LRRC4C: variants seen among roughly 807,000 people sequenced by gnomAD.
The protein encoded by LRRC4C is leucine-rich repeat-containing protein 4C.
In LRRC4C, 5 loss-of-function variants were observed where a neutral mutation model predicts 33.6. That is an observed-to-expected ratio of 0.15 (90% confidence interval 0.08 to 0.31). The LOEUF (loss-of-function observed/expected upper bound fraction) is 0.31. Ranked by LOEUF, LRRC4C falls within the 10% of genes least tolerant of loss-of-function variation. The pLI, the probability that LRRC4C is intolerant of heterozygous loss-of-function variation, is 1.00. For synonymous variants in LRRC4C, 329 were observed against 302.0 expected, an observed-to-expected ratio of 1.09 and a Z score of -0.93; for missense variants, 560 against 796.7, an observed-to-expected ratio of 0.70 and a Z score of 3.58.
At chr11:40,190,527 T>G (rs879692454) in intron 5 of LRRC4C, among the ~76,000 whole-genome samples, 18 of 152,224 alleles carry the variant, frequency 1.2e-4, no homozygotes, top group Admixed American at 5.2e-4. Context: ...ATTCTAGATA[T>G]GTTTTGATTG....
At chr11:40,631,872 ATAT>A (rs1393866341) in intron 3 of LRRC4C, among the ~76,000 whole-genome samples, 2 of 152,226 alleles carry the variant, frequency 1.3e-5, no homozygotes, top group South Asian at 2.1e-4. Flanking sequence ...TTATTGGCAG[ATAT>A]TATTATAATT....
At chr11:40,995,355 A>G (rs1385036448) in intron 1 of LRRC4C, among the ~76,000 whole-genome samples, 3 of 152,080 alleles carry the variant, frequency 2.0e-5, no homozygotes, top group Non-Finnish European at 4.4e-5. Flanking sequence ...GATATATAAC[A>G]ACTAATGATG....
At chr11:40,284,306 G>T (rs1943687229) in intron 4 of LRRC4C, among the ~76,000 whole-genome samples, 1 of 152,172 alleles carries the variant, frequency 6.6e-6, no homozygotes, top group Non-Finnish European at 1.5e-5. Flanking sequence ...GAGAGGGCAT[G>T]AATAGGCTGG....
chr11:40,399,811 C>T (rs1236905133), intron 3 of LRRC4C, among the ~76,000 whole-genome samples: 2 of 152,060 alleles, frequency 1.3e-5, no homozygotes, highest in Non-Finnish European at 2.9e-5. Context: ...ACCATTGCAA[C>T]CTTCCATGTC....
chr11:41,381,588 C>A (rs1953151954), intron 1 of LRRC4C, among the ~76,000 whole-genome samples: 1 of 148,556 alleles, frequency 6.7e-6, no homozygotes, highest in Non-Finnish European at 1.5e-5. Flanking sequence ...GATTGCGCCA[C>A]TGTACTCCAG....
intron 2 of LRRC4C, among the ~76,000 whole-genome samples, chr11:40,819,168 A>G (rs751819205): frequency 6.6e-6 from 1 of 152,178 alleles, no homozygotes; most frequent in Non-Finnish European, 1.5e-5. Flanking sequence ...ATGATTCACA[A>G]ATATGTGCAG....
chr11:40,354,260 T>A (rs1947552707), intron 3 of LRRC4C, among the ~76,000 whole-genome samples: 1 of 152,184 alleles, frequency 6.6e-6, no homozygotes, highest in South Asian at 2.1e-4. Flanking sequence ...GCGGGAGGGC[T>A]GACACAAACA....
chr11:41,371,963 G>A (rs1360096043), intron 1 of LRRC4C, among the ~76,000 whole-genome samples: 1 of 152,094 alleles, frequency 6.6e-6, no homozygotes, highest in African/African-American at 2.4e-5. Context: ...GTGAAACCCC[G>A]TCTCTACTAA....
chr11:40,384,089 T>A (rs1355281855), intron 3 of LRRC4C, among the ~76,000 whole-genome samples: 1 of 151,878 alleles, frequency 6.6e-6, no homozygotes, highest in East Asian at 1.9e-4. Flanking sequence ...TGTGGAGAAG[T>A]TTTTTAGTTA....
chr11:41,079,101 C>T (rs1013244687), intron 1 of LRRC4C, among the ~76,000 whole-genome samples: 8 of 152,166 alleles, frequency 5.3e-5, no homozygotes, highest in Non-Finnish European at 8.8e-5. Flanking sequence ...AACACCTTTA[C>T]GATTGTCTAA....
intron 2 of LRRC4C, among the ~76,000 whole-genome samples, chr11:40,905,916 A>G (rs1956394400): frequency 6.6e-6 from 1 of 152,232 alleles, no homozygotes; most frequent in Non-Finnish European, 1.5e-5. Flanking sequence ...TTTTGCAAGA[A>G]GTTCTACTGT....
rs553842338 is a variant in LRRC4C, at chr11:40,994,178, C to T, written c.-495-60455G>A. Among the ~76,000 whole-genome samples the T allele has an allele frequency of 1.1e-4, 17 of 151,986 alleles. No homozygotes were observed. The South Asian group carries it at 3.3e-3, about 30-fold the overall frequency. On this transcript the variant is annotated intron_variant, in intron 1 of 6. Transcript: ENST00000528697. ...TGCATTTCAGAATTATGAAATCTTA[C>T]CAATATCCAGGTGAGGTTCTTCTTT...
intron 2 of LRRC4C, among the ~76,000 whole-genome samples, chr11:40,816,452 A>G (rs1951709057): frequency 1.3e-5 from 2 of 152,294 alleles, no homozygotes; most frequent in East Asian, 1.9e-4. Context: ...CTCTGCCTGA[A>G]GTTTGTCTTT....
At chr11:40,986,114 T>C (rs1852974798) in intron 1 of LRRC4C, among the ~76,000 whole-genome samples, 6 of 152,208 alleles carry the variant, frequency 3.9e-5, no homozygotes. Flanking sequence ...AACATTTCTG[T>C]GAATTTGAAA....
At chr11:40,437,939 C>A (rs1951215421) in intron 3 of LRRC4C, among the ~76,000 whole-genome samples, 1 of 152,152 alleles carries the variant, frequency 6.6e-6, no homozygotes, top group Admixed American at 6.5e-5. Flanking sequence ...ATCTCTTGAC[C>A]TCGTGATCCA....
At chr11:40,149,935 A>C (rs1282807070) in intron 5 of LRRC4C, among the ~76,000 whole-genome samples, 6 of 152,168 alleles carry the variant, frequency 3.9e-5, no homozygotes, top group Non-Finnish European at 8.8e-5. Flanking sequence ...AATTACCACA[A>C]ACTTGATGAT....
intron 4 of LRRC4C, among the ~76,000 whole-genome samples, chr11:40,244,164 A>G (rs1426091243): frequency 6.6e-6 from 1 of 152,142 alleles, no homozygotes; most frequent in East Asian, 1.9e-4. Flanking sequence ...CTAGGATGAC[A>G]TTTAAGTGCT....
chr11:40,465,477 G>T (rs184809968), intron 3 of LRRC4C, among the ~76,000 whole-genome samples: 1 of 151,994 alleles, frequency 6.6e-6, no homozygotes, highest in African/African-American at 2.4e-5. Context: ...AAAACCTTCT[G>T]CAGTGTAAAA....
intron 4 of LRRC4C, among the ~76,000 whole-genome samples, chr11:40,313,244 A>G (rs1013513704): frequency 6.6e-6 from 1 of 152,064 alleles, no homozygotes; most frequent in Non-Finnish European, 1.5e-5. Context: ...CAGCCCTTCA[A>G]TTCTGTGACT....
Sources: allele counts gnomAD v4.1 joint callset (sites outside exome capture counted in the v4.1 genomes callset), GRCh38; gene constraint gnomAD v4.1.1; transcripts MANE v1.5; gene names NCBI Gene and HGNC (gene_info 2026-07-23, HGNC 2026-07-21).